IGF1: variants seen among roughly 807,000 people sequenced by gnomAD.
The protein encoded by IGF1 is insulin-like growth factor 1.
A neutral mutation model predicts 13.8 loss-of-function variants in IGF1; 4 were observed. The ratio of observed to expected loss-of-function variants is 0.29; its 90% CI spans 0.14 to 0.66. The LOEUF (loss-of-function observed/expected upper bound fraction) is 0.66, where lower values mean the gene tolerates loss of function less well. Ranked by LOEUF, IGF1 falls within the 30% of genes least tolerant of loss-of-function variation. The pLI, the probability that IGF1 is intolerant of heterozygous loss-of-function variation, is 0.78. For missense variants in IGF1, 124 were observed against 188.5 expected (o/e 0.66, Z 2.00); for synonymous variants, 76 against 72.6 (o/e 1.05, Z -0.23).
At chr12:102,459,866 A>G (rs1879757286) in intron 2 of IGF1, among the ~76,000 whole-genome samples, 1 of 152,246 alleles carries the variant, frequency 6.6e-6, no homozygotes, top group Admixed American at 6.5e-5. Context: ...AACCAGCAGC[A>G]GTTAGTCTGG....
chr12:102,418,321 G>A (rs1384638658), intron 3 of IGF1, among the ~76,000 whole-genome samples: 1 of 152,212 alleles, frequency 6.6e-6, no homozygotes, highest in African/African-American at 2.4e-5. Context: ...CTTCCTGCCT[G>A]GCCAGTGGCT....
intron 2 of IGF1, among the ~76,000 whole-genome samples, chr12:102,420,799 C>T (rs1414106505): frequency 4.6e-5 from 7 of 152,170 alleles, no homozygotes; most frequent in Non-Finnish European, 7.4e-5. Flanking sequence ...GTCTTCTCCA[C>T]GGATGCTCAG....
intron 2 of IGF1, among the ~76,000 whole-genome samples, chr12:102,466,111 T>A (rs559841020): frequency 6.6e-6 from 1 of 152,172 alleles, no homozygotes; most frequent in Non-Finnish European, 1.5e-5. Context: ...ATTCCATGGC[T>A]ATAAGGCAAG....
chr12:102,432,931 T>G (rs1287651245), intron 2 of IGF1, among the ~76,000 whole-genome samples: 1 of 152,126 alleles, frequency 6.6e-6, no homozygotes, highest in Admixed American at 6.5e-5. Flanking sequence ...AATCACCAAG[T>G]ACGTATGAGG....
intron 2 of IGF1, among the ~76,000 whole-genome samples, chr12:102,468,774 T>C (rs1468447259): frequency 3.3e-5 from 5 of 152,188 alleles, no homozygotes; most frequent in Admixed American, 3.3e-4. Context: ...TTTGCCACCA[T>C]GGGTTGTCAA....
chr12:102,424,160 A>C (rs528630920), intron 2 of IGF1, among the ~76,000 whole-genome samples: 2 of 152,070 alleles, frequency 1.3e-5, no homozygotes, highest in Non-Finnish European at 2.9e-5. Flanking sequence ...TAAGATATAC[A>C]TTTGTTATTC....
intron 2 of IGF1, among the ~76,000 whole-genome samples, chr12:102,475,369 G>C (rs1029888783): frequency 1.3e-5 from 2 of 152,096 alleles, no homozygotes; most frequent in African/African-American, 2.4e-5. Context: ...GAAAGGAATG[G>C]AATAGTGAGG....
intron 2 of IGF1, among the ~76,000 whole-genome samples, chr12:102,465,808 A>G (rs1464300979): frequency 6.6e-6 from 1 of 152,088 alleles, no homozygotes. Context: ...AAGGTGGTGC[A>G]TGCCTGTCAT....
intron 2 of IGF1, among the ~76,000 whole-genome samples, chr12:102,472,349 A>C (rs1027605128): frequency 1.3e-5 from 2 of 150,600 alleles, no homozygotes; most frequent in African/African-American, 4.9e-5. Context: ...AGCTCAATTC[A>C]CATCATTGGG....
At position 102,419,071 on chromosome 12, in the gene IGF1, A is replaced by G. The variant is rs147813169; in HGVS notation, c.402+438T>C. 6.5e-4 allele frequency among the ~76,000 whole-genome samples: 99 copies of G among 152,342 alleles called. 3 individuals are homozygous for G. Among genetic ancestry groups the G allele is most frequent in the African/African-American group, 2.4e-3 (98 of 41,584 alleles). On this transcript the variant is annotated intron_variant, in intron 3 of 3. Coordinates refer to ENST00000337514, the MANE Select transcript of IGF1 (RefSeq NM_000618.5). Reference sequence around the variant, plus strand: ...TTAACGATGGTCCAACAATTACTTTATGCAGGCATGTGAAAAGCATCTCAA... The same window carrying G: ...TTAACGATGGTCCAACAATTACTTTGTGCAGGCATGTGAAAAGCATCTCAA...
At chr12:102,411,055 C>G (rs1030680750) in intron 3 of IGF1, among the ~76,000 whole-genome samples, 4 of 152,182 alleles carry the variant, frequency 2.6e-5, no homozygotes, top group Non-Finnish European at 1.5e-5. Flanking sequence ...GCACCTCTAC[C>G]TTCATCCTAG....
At position 102,424,239 on chromosome 12, in the gene IGF1, C is replaced by CTT. The variant is rs11305762; in HGVS notation, c.221-4551_221-4550dup. Among the ~76,000 whole-genome samples, 1,232 of 139,138 alleles carry CTT rather than the reference C, an allele frequency of 8.9e-3. 20 individuals are homozygous for CTT. Among genetic ancestry groups the CTT allele is most frequent in the African/African-American group, 0.031 (1,167 of 38,178 alleles). The allele number at this position is 139,138 out of a possible 152,430, so 91.3% of individuals were successfully genotyped here. On this transcript the variant is annotated intron_variant, in intron 2 of 3. Coordinates refer to ENST00000337514, the MANE Select transcript of IGF1 (RefSeq NM_000618.5). ...CAGGAAGAGGTTCCAAAGTTGATCC[C>CTT]TTTTTTTTTTTTTTTGAAAGGAGGA...
intron 3 of IGF1, among the ~76,000 whole-genome samples, chr12:102,406,439 C>T (rs1016959245): frequency 3.3e-5 from 5 of 152,104 alleles, no homozygotes; most frequent in Admixed American, 3.3e-4. Context: ...ACAAACAAAC[C>T]AGCTGAAACT....
rs188700551 is a variant in IGF1, at chr12:102,475,633, G to A, written c.220+10C>T. On this transcript the variant is annotated intron_variant, in intron 2 of 3. Coordinates refer to ENST00000337514, the MANE Select transcript of IGF1 (RefSeq NM_000618.5). ...ACTTGAGCAGCACATTGAGAGGGAG[G>A]GCTACTTACTGAAATAAAAGCCCCT... The A allele has an allele frequency of 9.9e-6, 16 of 1,613,960 alleles. No individual in the cohort carries two copies. Among genetic ancestry groups the A allele is most frequent in the Admixed American group, 8.3e-5 (5 of 60,016 alleles).
chr12:102,466,288 T>C (rs1001459935), intron 2 of IGF1, among the ~76,000 whole-genome samples: 2 of 152,230 alleles, frequency 1.3e-5, no homozygotes, highest in Admixed American at 6.5e-5. Flanking sequence ...CTTTCACTCA[T>C]GGTTTTCCAA....
chr12:102,431,607 G>C (rs1876743819), intron 2 of IGF1, among the ~76,000 whole-genome samples: 1 of 152,140 alleles, frequency 6.6e-6, no homozygotes, highest in Admixed American at 6.6e-5. Context: ...AAGCTGCAAA[G>C]CCAGGTCACC....
At chr12:102,435,760 A>G (rs1877172244) in intron 2 of IGF1, among the ~76,000 whole-genome samples, 1 of 152,140 alleles carries the variant, frequency 6.6e-6, no homozygotes, top group African/African-American at 2.4e-5. Context: ...ACTAACACAT[A>G]CTAGTGGTTT....
intron 2 of IGF1, among the ~76,000 whole-genome samples, chr12:102,449,359 C>T (rs1878699518): frequency 6.8e-6 from 1 of 146,380 alleles, no homozygotes; most frequent in South Asian, 2.2e-4. Flanking sequence ...AACACATGGA[C>T]ACAGGGAGGG....
rs1018291249 is a variant in IGF1, at chr12:102,398,672, G to C, written c.*3835C>G. 1 of 152,136 alleles carries C rather than the reference G, an allele frequency of 6.6e-6. No homozygotes were observed. Among genetic ancestry groups the C allele is most frequent in the Non-Finnish European group, 1.5e-5 (1 of 68,022 alleles). 9.4% of individuals were successfully genotyped at this position (152,136 alleles called of 1,614,324 possible). A position where few individuals can be genotyped will look rare whatever the true frequency, so the allele number is the denominator to read the frequency against. The stretch of plus-strand genomic sequence containing the variant: ...GGTGAACAGTACACTACTTGTGAGT[G>C]ATAAAAAGTTGAAAGGTGGTGGTGG... On this transcript the variant is annotated 3_prime_UTR_variant, in exon 4 of 4. Coordinates refer to ENST00000337514, the MANE Select transcript of IGF1 (RefSeq NM_000618.5).
Sources: allele counts gnomAD v4.1 joint callset (sites outside exome capture counted in the v4.1 genomes callset), GRCh38; gene constraint gnomAD v4.1.1; transcripts MANE v1.5; gene names NCBI Gene and HGNC (gene_info 2026-07-23, HGNC 2026-07-21).